Variants in RPS6KC1 observed in about 807,000 individuals in gnomAD.
RPS6KC1 encodes the protein inactive ribosomal protein S6 kinase delta-1.
A neutral mutation model predicts 103.8 loss-of-function variants in RPS6KC1; 54 were observed. The observed-to-expected ratio is 0.52, with a 90% CI of 0.42 to 0.65. The LOEUF is 0.65. Among genes scored for constraint, RPS6KC1 ranks in the 30% least tolerant of loss-of-function variants. The probability of loss-of-function intolerance (pLI) is 0.00; values close to 1 mark genes in which losing one functional copy is unlikely to be tolerated. For synonymous variants in RPS6KC1, 439 were observed against 438.7 expected (o/e 1.00, Z -0.01); for missense variants, 1,151 against 1,253.8 (o/e 0.92, Z 1.24).
At chr1:213,201,189 A>G (rs893342693) in intron 8 of RPS6KC1, among the ~76,000 whole-genome samples, 15 of 152,220 alleles carry the variant, frequency 9.9e-5, no homozygotes, top group Non-Finnish European at 1.8e-4. Flanking sequence ...CATAATTGCC[A>G]AAATGTGGAA....
chr1:213,429,812 T>C, the RPS6KC1 span, among the ~76,000 whole-genome samples: 2 of 152,222 alleles, frequency 1.3e-5, no homozygotes, highest in Non-Finnish European at 2.9e-5. Flanking sequence ...TATAGCCAAC[T>C]TTCAGTGGAT....
the RPS6KC1 span, among the ~76,000 whole-genome samples, chr1:213,487,324 A>C: frequency 4.6e-5 from 7 of 152,044 alleles, no homozygotes; most frequent in Non-Finnish European, 8.8e-5. Context: ...TGAGTCCAGG[A>C]GGTTAAGGCT....
intron 5 of RPS6KC1, among the ~76,000 whole-genome samples, chr1:213,119,375 G>A (rs1199225361): frequency 1.4e-5 from 2 of 145,216 alleles, no homozygotes; most frequent in Non-Finnish European, 3.0e-5. Context: ...TGAACCATGG[G>A]GGTGGAGGTT....
chr1:213,631,727 T>C, the RPS6KC1 span, among the ~76,000 whole-genome samples: 2 of 152,200 alleles, frequency 1.3e-5, no homozygotes, highest in East Asian at 1.9e-4. Context: ...TGATTTTTGC[T>C]AATCTAATGG....
the RPS6KC1 span, among the ~76,000 whole-genome samples, chr1:213,640,784 A>G: frequency 1.3e-5 from 2 of 151,894 alleles, no homozygotes; most frequent in Non-Finnish European, 2.9e-5. Flanking sequence ...AAACATGTTA[A>G]TGTTTATTAT....
At chr1:213,612,243 T>C in the RPS6KC1 span, among the ~76,000 whole-genome samples, 2 of 152,264 alleles carry the variant, frequency 1.3e-5, no homozygotes, top group African/African-American at 4.8e-5. Flanking sequence ...ACACTCAGGC[T>C]TGAGAACCAC....
chr1:213,088,546 G>A (rs1473111595), intron 3 of RPS6KC1, among the ~76,000 whole-genome samples: 1 of 152,030 alleles, frequency 6.6e-6, no homozygotes, highest in Non-Finnish European at 1.5e-5. Context: ...TAATAGAGAT[G>A]GGGTTTCGCC....
intron 8 of RPS6KC1, among the ~76,000 whole-genome samples, chr1:213,212,026 A>G (rs2093520613): frequency 1.3e-5 from 2 of 152,082 alleles, no homozygotes; most frequent in African/African-American, 4.8e-5. Context: ...CCTATTGTCA[A>G]CAACCCCCAC....
chr1:213,353,787 G>C, the RPS6KC1 span, among the ~76,000 whole-genome samples: 1 of 152,312 alleles, frequency 6.6e-6, no homozygotes, highest in African/African-American at 2.4e-5. Flanking sequence ...TTTTTTGGTA[G>C]TATGTAGAAA....
the RPS6KC1 span, among the ~76,000 whole-genome samples, chr1:213,366,552 G>C: frequency 6.6e-6 from 1 of 152,172 alleles, no homozygotes. Flanking sequence ...TTCAACTCTC[G>C]TTGTAGCACA....
At position 213,064,065 on chromosome 1, in the gene RPS6KC1, T is replaced by A. The variant is rs373476771; in HGVS notation, c.106-6941T>A. Among the ~76,000 whole-genome samples, 12 of 152,344 alleles carry A rather than the reference T, an allele frequency of 7.9e-5. No homozygotes were observed. The East Asian group carries it at 1.5e-3, about 20-fold the overall frequency. On this transcript the variant is annotated intron_variant, in intron 1 of 14. Coordinates refer to ENST00000366960, the MANE Select transcript of RPS6KC1 (RefSeq NM_012424.6). Reference sequence around the variant, plus strand: ...TCTGAACTTTATTTTTATTTTTATTTATTTTTTTTGAGACGGAGTTTCACT... The same window carrying A: ...TCTGAACTTTATTTTTATTTTTATTAATTTTTTTTGAGACGGAGTTTCACT...
chr1:213,399,288 C>G, the RPS6KC1 span, among the ~76,000 whole-genome samples: 18 of 152,248 alleles, frequency 1.2e-4, no homozygotes, highest in African/African-American at 3.6e-4. Flanking sequence ...GCCATTGGTC[C>G]ACACAGGCAG....
the RPS6KC1 span, among the ~76,000 whole-genome samples, chr1:213,683,413 C>A: frequency 6.6e-6 from 1 of 152,132 alleles, no homozygotes; most frequent in South Asian, 2.1e-4. Context: ...GGGAACACAC[C>A]TACCAACCCT....
chr1:213,311,523 G>A, the RPS6KC1 span, among the ~76,000 whole-genome samples: 2 of 152,284 alleles, frequency 1.3e-5, no homozygotes, highest in Non-Finnish European at 2.9e-5. Context: ...TGGCCAGAAG[G>A]GAGGGTAGAA....
At chr1:213,130,845 G>A (rs1053438019) in intron 6 of RPS6KC1, among the ~76,000 whole-genome samples, 3 of 151,540 alleles carry the variant, frequency 2.0e-5, no homozygotes, top group African/African-American at 7.3e-5. Flanking sequence ...CTGAATTTTT[G>A]GAGAGTTTTA....
In RPS6KC1 at chr1:213,272,595, A is replaced by G. The variant is rs1372187739; in HGVS notation, c.3162A>G (p.Pro1054=). ...GTGTTGAAGATATCAAATCTCATCCATTTTTTACCCCTGTGGATTGGGCAG... is the reference window on the plus strand; with the variant it reads ...GTGTTGAAGATATCAAATCTCATCCGTTTTTTACCCCTGTGGATTGGGCAG... ...VAGVEDIKSH[P]FFTPVDWAEL... is the part of the protein sequence containing the mutation. The change falls in exon 15 of 15, where the codon CCA becomes CCG. Residue 1054 remains proline, a synonymous_variant. Coordinates refer to ENST00000366960, the MANE Select transcript of RPS6KC1 (RefSeq NM_012424.6). 6.2e-7 allele frequency: 1 copy of G among 1,613,650 alleles called. No individual in the cohort carries two copies. Among genetic ancestry groups the G allele is most frequent in the Non-Finnish European group, 8.5e-7 (1 of 1,179,842 alleles).
chr1:213,501,206 T>C, the RPS6KC1 span, among the ~76,000 whole-genome samples: 7 of 152,254 alleles, frequency 4.6e-5, no homozygotes, highest in Non-Finnish European at 8.8e-5. Context: ...GATATAAATG[T>C]ATTACAACGG....
chr1:213,546,331 A>T, the RPS6KC1 span: 1 of 152,216 alleles, frequency 6.6e-6, no homozygotes, highest in Admixed American at 6.5e-5. Flanking sequence ...TGAGAAGAAC[A>T]TTCTACTGTC....
chr1:213,153,615 A>G (rs919075776), intron 6 of RPS6KC1, among the ~76,000 whole-genome samples: 8 of 152,204 alleles, frequency 5.3e-5, no homozygotes, highest in African/African-American at 1.9e-4. Flanking sequence ...TTTACACACC[A>G]CATTACAGTG....
Sources: allele counts gnomAD v4.1 joint callset (sites outside exome capture counted in the v4.1 genomes callset), GRCh38; gene constraint gnomAD v4.1.1; transcripts MANE v1.5; gene names NCBI Gene and HGNC (gene_info 2026-07-23, HGNC 2026-07-21).